JPT2: variants seen among roughly 807,000 people sequenced by gnomAD.
The protein encoded by JPT2 is Jupiter microtubule associated homolog 2.
Under a neutral mutation model 15.9 loss-of-function variants are expected in JPT2, and 9 were observed. The observed-to-expected ratio is 0.57, with a 90% CI of 0.34 to 0.99. JPT2 has a LOEUF of 0.99. JPT2 is among the 50% of genes least tolerant of loss of function. The pLI is 0.02. For missense variants in JPT2, 267 were observed against 252.1 expected (o/e 1.06, Z -0.40); for synonymous variants, 95 against 91.7 (o/e 1.04, Z -0.21).
rs373602300 is a variant in JPT2 at position 1,699,008 on chromosome 16, C to T, written c.*10C>T. 2.3e-5 allele frequency: 37 copies of T among 1,611,428 alleles called. No homozygotes were observed. Among genetic ancestry groups the T allele is most frequent in the Non-Finnish European group, 3.1e-5 (36 of 1,178,582 alleles). On this transcript the variant is annotated 3_prime_UTR_variant, in exon 5 of 5. Transcript: ENST00000248098. ...CATCTCCTTCTACTAAGAGAAGCCA[C>T]TGCTCCACCCGGAGCCAGACCAGAA...
chr16:1,690,254 T>G (rs1215304522), intron 2 of JPT2: 1 of 152,216 alleles, frequency 6.6e-6, no homozygotes, highest in East Asian at 1.9e-4. Flanking sequence ...CAAGCACACG[T>G]GGGCTCTTCA....
chr16:1,691,671 G>T (rs551935117), intron 2 of JPT2, among the ~76,000 whole-genome samples, 172 bp from the exon 3 acceptor site: 14 of 150,516 alleles, frequency 9.3e-5, no homozygotes, highest in Non-Finnish European at 1.8e-4. Context: ...GTTTTCAGGG[G>T]TTTCATGGAT....
rs2037155098 is a variant in JPT2 at position 1,698,060 on chromosome 16, T to A, written c.385+200T>A. 6.6e-6 allele frequency among the ~76,000 whole-genome samples: 1 copy of A among 152,258 alleles called. No individual in the cohort carries two copies. Among genetic ancestry groups the A allele is most frequent in the Non-Finnish European group, 1.5e-5 (1 of 68,044 alleles). ...GTGAAACCCTGGGACTTGGTTGTCT[T>A]GCTCATCAGCCTAGGCCCAGGGCCA... is the stretch of plus-strand genomic sequence containing the variant. On this transcript the variant is annotated intron_variant, in intron 4 of 4. Transcript: ENST00000248098. This position sits in a 1 kb window ranked among gnomAD's most constrained non-coding sequence, Gnocchi z 4.9.
Position 1,699,578 on chromosome 16 carries a change from T to G in JPT2, c.*580T>G. 3.1e-6 allele frequency: 1 copy of G among 321,258 alleles called. No homozygotes were observed. The highest frequency in any genetic ancestry group is 6.2e-6 in the Non-Finnish European group (1 of 162,084). The allele number at this position is 321,258 out of a possible 1,614,324, so 19.9% of individuals were successfully genotyped here. ...AAAACCAAATAATAATAGTTATCCG[T>G]CTTCTACTTCATGGAAGATTGTTTT... On this transcript the variant is annotated 3_prime_UTR_variant, in exon 5 of 5. Coordinates refer to ENST00000248098, the MANE Select transcript of JPT2 (RefSeq NM_144570.3).
At chr16:1,683,730 C>T (rs2037043201) in intron 1 of JPT2, 7 of 632,968 alleles carry the variant, frequency 1.1e-5, no homozygotes, top group Non-Finnish European at 1.6e-5. Context: ...TCACAAGGAG[C>T]CCTCAGCGCT....
intron 3 of JPT2, among the ~76,000 whole-genome samples, chr16:1,694,231 ATGAG>A (rs2037125061): frequency 6.6e-6 from 1 of 152,226 alleles, no homozygotes. Context: ...ACATCACAAA[ATGAG>A]AGAGAACCAA....
chr16:1,683,670 C>T (rs890689531), intron 1 of JPT2: 4 of 990,254 alleles, frequency 4.0e-6, no homozygotes, highest in Middle Eastern at 2.0e-4. Context: ...GAAGCACTCT[C>T]TGCCTTCCTG....
At position 1,700,029 on chromosome 16, in the gene JPT2, A is replaced by G. The variant is rs774426166; in HGVS notation, c.*1031A>G. 4 of 368,244 alleles carry G rather than the reference A, an allele frequency of 1.1e-5. No homozygotes were observed. Among genetic ancestry groups the G allele is most frequent in the African/African-American group, 2.1e-5 (1 of 47,356 alleles). 22.8% of individuals were successfully genotyped at this position (368,244 alleles called of 1,614,324 possible). On this transcript the variant is annotated 3_prime_UTR_variant, in exon 5 of 5. Transcript: ENST00000248098. ...AAGCTAAATTTTAAATACCAGCTTT[A>G]CATAAATGATTGTTGACTCTGGTCT...
At chr16:1,680,468 G>A in intron 1 of JPT2, 2 of 1,246,466 alleles carry the variant, frequency 1.6e-6, no homozygotes, top group African/African-American at 1.5e-5. Flanking sequence ...GGATGGTGAG[G>A]AAGGAAAGCC....
At chr16:1,683,666 C>G (rs2037042453) in intron 1 of JPT2, 2 of 1,044,064 alleles carry the variant, frequency 1.9e-6, no homozygotes, top group Non-Finnish European at 2.8e-6. Context: ...GACTGAAGCA[C>G]TCTCTGCCTT....
intron 3 of JPT2, among the ~76,000 whole-genome samples, chr16:1,693,567 C>G (rs151239829): frequency 6.6e-6 from 1 of 152,170 alleles, no homozygotes; most frequent in African/African-American, 2.4e-5. Context: ...CCTGCTGAGA[C>G]TCACACTTTC....
chr16:1,685,320 C>G lies in JPT2; in HGVS notation c.45-119C>G. The G allele has an allele frequency of 6.3e-6, 7 of 1,103,302 alleles. No homozygotes were observed. The South Asian group carries it at 1.1e-4, about 17-fold the overall frequency. 68.3% of individuals were successfully genotyped at this position (1,103,302 alleles called of 1,614,324 possible). The stretch of plus-strand genomic sequence containing the variant: ...TCCAGCCTGGGTGACAGAATGAGAC[C>G]TTGTCTCAAAAAGAAAAAAACAAAA... On this transcript the variant is annotated intron_variant, in intron 1 of 4. Coordinates refer to ENST00000248098, the MANE Select transcript of JPT2 (RefSeq NM_144570.3).
rs918492788 is a variant in JPT2, at chr16:1,699,452, C to G, written c.*454C>G. 1 of 355,334 alleles carries G rather than the reference C, an allele frequency of 2.8e-6. No individual in the cohort carries two copies. The highest frequency in any genetic ancestry group is 7.4e-5 in the East Asian group (1 of 13,468). The allele number at this position is 355,334 out of a possible 1,614,324, so 22.0% of individuals were successfully genotyped here. On this transcript the variant is annotated 3_prime_UTR_variant, in exon 5 of 5. Transcript: ENST00000248098. Reference sequence around the variant, plus strand: ...AGAACCGCTTCCATTCTGGAGATCACGGCTGCTAAATCCAGCATCCCCACT... The same window carrying G: ...AGAACCGCTTCCATTCTGGAGATCAGGGCTGCTAAATCCAGCATCCCCACT...
At chr16:1,691,757 G>C in intron 2 of JPT2, 86 bp from the exon 3 acceptor site, 1 of 1,496,546 alleles carries the variant, frequency 6.7e-7, no homozygotes, top group Non-Finnish European at 9.0e-7. Context: ...TCCTATGAGA[G>C]GAGGTCTCCA....
At chr16:1,683,415 C>CGGGG in intron 1 of JPT2, 63 of 657,290 alleles carry the variant, frequency 9.6e-5, no homozygotes, top group Non-Finnish European at 1.4e-4. Context: ...CCGGACAGCC[C>CGGGG]TTTCTCATTT....
chr16:1,687,317 G>A (rs2142224029), intron 2 of JPT2, among the ~76,000 whole-genome samples: 1 of 152,138 alleles, frequency 6.6e-6, no homozygotes, highest in South Asian at 2.1e-4. Flanking sequence ...CCTTTTTTTG[G>A]TCTGTTTGGT....
At chr16:1,693,707 T>A (rs1202020696) in intron 3 of JPT2, among the ~76,000 whole-genome samples, 2 of 151,566 alleles carry the variant, frequency 1.3e-5, no homozygotes, top group African/African-American at 4.9e-5. Flanking sequence ...TGGACATCGC[T>A]AGCATCACCA....
intron 1 of JPT2, among the ~76,000 whole-genome samples, chr16:1,682,256 A>C (rs957729541): frequency 6.6e-6 from 1 of 152,038 alleles, no homozygotes; most frequent in Non-Finnish European, 1.5e-5. Flanking sequence ...GCACACCTGT[A>C]ATCCCAGCTA....
intron 1 of JPT2, among the ~76,000 whole-genome samples, chr16:1,679,752 T>C (rs948296207): frequency 2.7e-5 from 4 of 150,126 alleles, no homozygotes; most frequent in African/African-American, 9.8e-5. Context: ...TCAGTAATAC[T>C]TGTAACCAAA....
Sources: allele counts gnomAD v4.1 joint callset (sites outside exome capture counted in the v4.1 genomes callset), GRCh38; gene constraint gnomAD v4.1.1; non-coding constraint Gnocchi (gnomAD v3.1); transcripts MANE v1.5; gene names NCBI Gene and HGNC (gene_info 2026-07-23, HGNC 2026-07-21).